Variants in SPATA17 observed in about 807,000 individuals in gnomAD.
The protein encoded by SPATA17 is spermatogenesis associated 17, also known as spermatogenesis-associated protein 17.
In SPATA17, 53 loss-of-function variants were observed where a neutral mutation model predicts 62.2. The ratio of observed to expected loss-of-function variants is 0.85; its 90% CI spans 0.68 to 1.07. The LOEUF (loss-of-function observed/expected upper bound fraction) is 1.07, where lower values mean the gene tolerates loss of function less well. Ranked by LOEUF, SPATA17 falls within the 50% of genes least tolerant of loss-of-function variation. The probability of loss-of-function intolerance (pLI) is 0.00; values close to 1 mark genes in which losing one functional copy is unlikely to be tolerated. For synonymous variants in SPATA17, 146 were observed against 146.8 expected, an observed-to-expected ratio of 0.99 and a Z score of 0.04; for missense variants, 466 against 425.5, an observed-to-expected ratio of 1.10 and a Z score of -0.84.
intron 9 of SPATA17, chr1:217,850,536 T>C: frequency 6.3e-7 from 1 of 1,588,838 alleles, no homozygotes; most frequent in Non-Finnish European, 8.6e-7. Context: ...GATGCCTTCC[T>C]TATCCTGGAT....
chr1:217,750,501 T>C (rs11117923), intron 6 of SPATA17, among the ~76,000 whole-genome samples: 116,397 of 152,036 alleles, frequency 0.77, 44,959 homozygotes, highest in Non-Finnish European at 0.81. Context: ...TTAGAGTCAC[T>C]GCTATTTAGT....
intron 8 of SPATA17, among the ~76,000 whole-genome samples, chr1:217,787,547 C>A (rs982683808): frequency 3.9e-5 from 6 of 152,026 alleles, no homozygotes; most frequent in Non-Finnish European, 7.4e-5. Flanking sequence ...TCCTCAAATC[C>A]ATTTAAAAAA....
rs146970739 is a variant in SPATA17, at chr1:217,757,541, C to T, written c.519+15443C>T. 3.0e-3 allele frequency among the ~76,000 whole-genome samples: 458 copies of T among 152,202 alleles called. 1 individual carries two copies. Among genetic ancestry groups the T allele is most frequent in the African/African-American group, 0.01 (429 of 41,516 alleles). ...TTTCCTGATGCACAAACTGCAAACC[C>T]ACTCCTTCTTCCTTGACATACTGAA... is the stretch of plus-strand genomic sequence containing the variant. On this transcript the variant is annotated intron_variant, in intron 6 of 10. Transcript: ENST00000366933.
chr1:217,807,677 A>G (rs890300656), intron 9 of SPATA17, among the ~76,000 whole-genome samples: 3 of 152,184 alleles, frequency 2.0e-5, no homozygotes, highest in African/African-American at 4.8e-5. Context: ...AGGGCTTCAG[A>G]ATTAAGAACA....
intron 5 of SPATA17, among the ~76,000 whole-genome samples, chr1:217,731,013 CTTATT>C (rs1672391570): frequency 1.3e-5 from 2 of 151,990 alleles, no homozygotes; most frequent in Admixed American, 1.3e-4. Context: ...TGGCCTTCAT[CTTATT>C]TTATCTCTTT....
In SPATA17 at chr1:217,727,285, A is replaced by ATAATAATAATAC. The variant is rs200289654; in HGVS notation, c.396-14687_396-14686insTAATAATACTAA. Among the ~76,000 whole-genome samples the ATAATAATAATAC allele has an allele frequency of 1.8e-3, 271 of 146,690 alleles. 2 individuals are homozygous for ATAATAATAATAC. The highest frequency in any genetic ancestry group is 3.2e-3 in the Non-Finnish European group (213 of 67,272). On this transcript the variant is annotated intron_variant, in intron 5 of 10. Transcript: ENST00000366933. Reference sequence around the variant, plus strand: ...AATAATAATAATAATAATAATAATAATAACAACAAAAAACTGTTATTCTTA... The same window carrying ATAATAATAATAC: ...AATAATAATAATAATAATAATAATAATAATAATAATACTAACAACAAAAAACTGTTATTCTTA...
At chr1:217,821,033 A>G (rs981140934) in intron 9 of SPATA17, among the ~76,000 whole-genome samples, 1 of 151,960 alleles carries the variant, frequency 6.6e-6, no homozygotes, top group Admixed American at 6.6e-5. Context: ...AATTAATCCA[A>G]TCCCCCAGAA....
At chr1:217,702,403 GA>G (rs1671620020) in intron 5 of SPATA17, among the ~76,000 whole-genome samples, 1 of 151,950 alleles carries the variant, frequency 6.6e-6, no homozygotes, top group African/African-American at 2.4e-5. Flanking sequence ...CACCCATTTG[GA>G]AGGTATATAA....
At chr1:217,685,478 T>C (rs1443337753) in intron 5 of SPATA17, among the ~76,000 whole-genome samples, 1 of 152,216 alleles carries the variant, frequency 6.6e-6, no homozygotes, top group East Asian at 1.9e-4. Context: ...CTTTAGTATA[T>C]TACAGAGCCA....
chr1:217,709,523 T>G (rs1410995964), intron 5 of SPATA17, among the ~76,000 whole-genome samples: 1 of 152,204 alleles, frequency 6.6e-6, no homozygotes, highest in Non-Finnish European at 1.5e-5. Context: ...GGCAAGTGAC[T>G]GGAGAACACA....
chr1:217,857,717 T>C (rs1042538392), intron 9 of SPATA17, among the ~76,000 whole-genome samples: 1 of 152,232 alleles, frequency 6.6e-6, no homozygotes, highest in Non-Finnish European at 1.5e-5. Context: ...CCTGATGGTA[T>C]CTTCACCTCT....
chr1:217,678,829 C>T (rs1571725433), intron 4 of SPATA17, among the ~76,000 whole-genome samples: 1 of 152,226 alleles, frequency 6.6e-6, no homozygotes, highest in East Asian at 1.9e-4. Flanking sequence ...ATTATCTATT[C>T]AGAGCTGATC....
intron 6 of SPATA17, among the ~76,000 whole-genome samples, chr1:217,760,163 T>G (rs1014051863): frequency 1.3e-5 from 2 of 152,196 alleles, no homozygotes; most frequent in Non-Finnish European, 2.9e-5. Flanking sequence ...GACCAAATTA[T>G]GTTACCACCA....
At chr1:217,853,889 G>C (rs1194175816) in intron 9 of SPATA17, among the ~76,000 whole-genome samples, 1 of 152,094 alleles carries the variant, frequency 6.6e-6, no homozygotes, top group Non-Finnish European at 1.5e-5. Flanking sequence ...CAGAATTTCA[G>C]CAGTACACTT....
At chr1:217,683,794 T>C (rs1040930133) in intron 5 of SPATA17, among the ~76,000 whole-genome samples, 1 of 151,928 alleles carries the variant, frequency 6.6e-6, no homozygotes, top group East Asian at 1.9e-4. Context: ...TGATAAAAAA[T>C]ATATATATGA....
intron 5 of SPATA17, among the ~76,000 whole-genome samples, chr1:217,717,601 T>G (rs1050083139): frequency 6.6e-6 from 1 of 152,110 alleles, no homozygotes; most frequent in African/African-American, 2.4e-5. Flanking sequence ...AGAGTGATAC[T>G]CTATCTCAAA....
At chr1:217,648,460 T>G (rs1670237956) in intron 1 of SPATA17, among the ~76,000 whole-genome samples, 1 of 152,232 alleles carries the variant, frequency 6.6e-6, no homozygotes, top group South Asian at 2.1e-4. Flanking sequence ...TAGAGACAAC[T>G]CATTTAACTG....
intron 5 of SPATA17, among the ~76,000 whole-genome samples, chr1:217,711,413 A>G (rs1483426832): frequency 6.6e-6 from 1 of 152,184 alleles, no homozygotes; most frequent in Non-Finnish European, 1.5e-5. Flanking sequence ...ACATCATGAA[A>G]GCTTTAAGAT....
intron 6 of SPATA17, among the ~76,000 whole-genome samples, chr1:217,757,883 C>G (rs998134867): frequency 6.6e-6 from 1 of 152,136 alleles, no homozygotes. Flanking sequence ...TGTAAGGATG[C>G]TTTTGTGGGA....
Sources: gnomAD v4.1 joint callset for allele counts (sites outside exome capture counted in the v4.1 genomes callset) on GRCh38, gnomAD v4.1.1 for gene constraint, MANE v1.5 for transcripts, NCBI Gene and HGNC (gene_info 2026-07-23, HGNC 2026-07-21) for gene names.